Variants in PML observed in about 807,000 individuals in gnomAD.
The protein encoded by PML is PML nuclear body scaffold.
PML carries 28 observed loss-of-function variants against 65.2 expected under a neutral mutation model. The ratio of observed to expected loss-of-function variants is 0.43; its 90% CI spans 0.32 to 0.59. The LOEUF is 0.59. PML is among the 20% of genes least tolerant of loss of function. The pLI is 0.08. For missense variants in PML, 1,021 were observed against 1,203.4 expected (o/e 0.85, Z 2.24); for synonymous variants, 500 against 508.8 (o/e 0.98, Z 0.23).
At chr15:74,012,924 C>T (rs1038582829) in intron 2 of PML, among the ~76,000 whole-genome samples, 6 of 152,078 alleles carry the variant, frequency 3.9e-5, no homozygotes, top group South Asian at 4.2e-4. Context: ...AATAATATCT[C>T]GGCTGGGTAT....
Position 74,043,073 on chromosome 15 carries a change from A to C in PML, c.1795A>C (p.Asn599His). The change falls in exon 8 of 9, where the codon AAC (asparagine) becomes CAC (histidine). Residue 599 changes from asparagine to histidine, a missense_variant. By Grantham distance (68) the Asn-to-His change is moderately conservative (BLOSUM62 1). Transcript: ENST00000268058. The surrounding 1 kb of genome is among the most constrained non-coding windows in gnomAD (Gnocchi z 4.3). ...GPSTLRVLDE[N>H]LADPQAEDRP... ...CAGCACCCTCAGGGTCCTGGACGAG[A>C]ACCTTGCTGACCCCCAAGCAGAAGA... The C allele has an allele frequency of 1.9e-6, 3 of 1,613,210 alleles. No homozygotes were observed. The highest frequency in any genetic ancestry group is 1.7e-6 in the Non-Finnish European group (2 of 1,179,838).
In PML at chr15:73,998,373, G is replaced by T. The variant is rs1196661368; in HGVS notation, c.499G>T (p.Ala167Ser). Residue 167 changes from alanine to serine, a missense_variant, in exon 2 of 9, where the codon GCA becomes TCA. Transcript: ENST00000268058. ...CCTCAAGCACGAGGCCCGGCCCCTAGCAGAGCTGCGCAACCAGTCGGTGCG... is the reference window on the plus strand; with the variant it reads ...CCTCAAGCACGAGGCCCGGCCCCTATCAGAGCTGCGCAACCAGTCGGTGCG... ...WFLKHEARPL[A>S]ELRNQSVREF... 1 of 1,614,162 alleles carries T rather than the reference G, an allele frequency of 6.2e-7. No homozygotes were observed. The highest frequency in any genetic ancestry group is 1.7e-5 in the Admixed American group (1 of 60,034).
chr15:74,016,131 G>A (rs1051270287), intron 2 of PML, among the ~76,000 whole-genome samples: 7 of 152,064 alleles, frequency 4.6e-5, no homozygotes, highest in African/African-American at 7.2e-5. Flanking sequence ...ACAAAAATTA[G>A]CTGAGTGTGG....
intron 2 of PML, among the ~76,000 whole-genome samples, chr15:74,003,305 G>A (rs147258890): frequency 0.05 from 7,533 of 152,044 alleles, 249 homozygotes; most frequent in African/African-American, 0.088. Flanking sequence ...GGTGGCGGGC[G>A]CCTGTAATCC....
In PML at chr15:74,023,191, G is replaced by A. The variant is rs760218638; in HGVS notation, c.966G>A (p.Val322=). ...MASRLGRLDA[V]LQRIRTGSAL... is the part of the protein sequence containing the mutation. ...GTCGGCTGGGCCGCCTGGATGCTGT[G>A]CTGCAGCGCATCCGCACGGGCAGCG... The change falls in exon 3 of 9, where the codon GTG becomes GTA. Residue 322 remains valine, a synonymous_variant. Transcript: ENST00000268058. 6.2e-7 allele frequency: 1 copy of A among 1,608,164 alleles called. No individual in the cohort carries two copies. The highest frequency in any genetic ancestry group is 8.5e-7 in the Non-Finnish European group (1 of 1,177,982).
chr15:74,027,673 T>C (rs1567132892), intron 4 of PML: 1 of 152,256 alleles, frequency 6.6e-6, no homozygotes, highest in Non-Finnish European at 1.5e-5. Flanking sequence ...CTGCACTGTC[T>C]TGTGTGAAGG....
chr15:74,022,757 T>C (rs1382389594), intron 2 of PML, 71 bp from the exon 3 acceptor site: 2 of 1,221,890 alleles, frequency 1.6e-6, no homozygotes, highest in African/African-American at 1.5e-5. Flanking sequence ...GGAAGAGGAA[T>C]TTAATAACGA....
At chr15:74,030,386 T>G (rs2071264787) in intron 4 of PML, among the ~76,000 whole-genome samples, 1 of 152,184 alleles carries the variant, frequency 6.6e-6, no homozygotes, top group South Asian at 2.1e-4. Flanking sequence ...TGGTGGCTCA[T>G]GCCTGTAATC....
rs145461366 is a variant in PML, at chr15:74,035,635, T to A, written c.1710+1105T>A. The stretch of plus-strand genomic sequence containing the variant: ...AGGGGCATCAGCCCACCCCACCGGA[T>A]ACGAGGGGCTGTGCGATCCCGCAGC... On this transcript the variant is annotated intron_variant, in intron 7 of 8. Transcript: ENST00000268058. The surrounding 1 kb of genome is among the most constrained non-coding windows in gnomAD (Gnocchi z 4.1). The A allele has an allele frequency of 2.5e-6, 4 of 1,613,734 alleles. No individual in the cohort carries two copies. Among genetic ancestry groups the A allele is most frequent in the Non-Finnish European group, 2.5e-6 (3 of 1,180,026 alleles).
intron 1 of PML, among the ~76,000 whole-genome samples, chr15:73,997,085 C>A (rs1190613631): frequency 2.0e-5 from 3 of 152,190 alleles, no homozygotes; most frequent in Non-Finnish European, 2.9e-5. Context: ...TTCCAAATAC[C>A]CCCTAGAGGT....
rs1274850208 is a variant in PML at position 73,998,339 on chromosome 15, C to T, written c.465C>T (p.His155=). The T allele has an allele frequency of 1.2e-6, 2 of 1,614,076 alleles. No homozygotes were observed. ...TCTGCGCCAAGTGCTTCGAGGCACA[C>T]CAGTGGTTCCTCAAGCACGAGGCCC... ...QLLCAKCFEA[H]QWFLKHEARP... The change falls in exon 2 of 9, where the codon CAC becomes CAT. Residue 155 remains histidine, a synonymous_variant. Coordinates refer to ENST00000268058, the MANE Select transcript of PML (RefSeq NM_033238.3).
chr15:74,015,082 G>A (rs1018955933), intron 2 of PML, among the ~76,000 whole-genome samples: 22 of 152,284 alleles, frequency 1.4e-4, no homozygotes, highest in African/African-American at 4.8e-4. Context: ...TCCTTTCACC[G>A]CTTTCCTTGC....
At position 74,016,788 on chromosome 15, in the gene PML, G is replaced by T. The variant is rs1186759116; in HGVS notation, c.603-6040G>T. On this transcript the variant is annotated intron_variant, in intron 2 of 8. Transcript: ENST00000268058. Reference sequence around the variant, plus strand: ...ACAGTTTTGAATTTTTTAGGCAGTGGCATCTTTTTTTTTTTTTTTTTTTTT... The same window carrying T: ...ACAGTTTTGAATTTTTTAGGCAGTGTCATCTTTTTTTTTTTTTTTTTTTTT... Among the ~76,000 whole-genome samples the T allele has an allele frequency of 5.0e-4, 39 of 78,682 alleles. 1 individual carries two copies. The highest frequency in any genetic ancestry group is 4.8e-3 in the Admixed American group (39 of 8,098). 51.6% of individuals were successfully genotyped at this position (78,682 alleles called of 152,430 possible). A position where few individuals can be genotyped will look rare whatever the true frequency, so the allele number is the denominator to read the frequency against.
chr15:73,998,181 G>A lies in PML; in HGVS notation c.307G>A (p.Ala103Thr), dbSNP rs570405596. ...APWPLGADTP[A>T]LDNVFFESLQ... ...CTGGCCCCTAGGTGCAGACACACCC[G>A]CCCTGGATAACGTCTTTTTCGAGAG... Residue 103 changes from alanine to threonine, a missense_variant, in exon 2 of 9, where the codon GCC (alanine) becomes ACC (threonine). Physicochemically the swap from Ala to Thr is moderately conservative, Grantham distance 58. Coordinates refer to ENST00000268058, the MANE Select transcript of PML (RefSeq NM_033238.3). 4 of 1,614,186 alleles carry A rather than the reference G, an allele frequency of 2.5e-6. No individual in the cohort carries two copies. The highest frequency in any genetic ancestry group is 1.7e-4 in the Middle Eastern group (1 of 6,054).
Position 74,037,599 on chromosome 15 carries a change from C to T in PML, c.1710+3069C>T, listed in dbSNP as rs1326543635. The stretch of plus-strand genomic sequence containing the variant: ...TGCCCCTTCTTCACCCCACCTCCTG[C>T]GCTTCCCCGCCAGTACCAGGGTGGC... On this transcript the variant is annotated intron_variant, in intron 7 of 8. Coordinates refer to ENST00000268058, the MANE Select transcript of PML (RefSeq NM_033238.3). This position sits in a 1 kb window ranked among gnomAD's most constrained non-coding sequence, Gnocchi z 4.2. The T allele has an allele frequency of 3.0e-6, 3 of 985,392 alleles. No individual in the cohort carries two copies. The highest frequency in any genetic ancestry group is 6.1e-5 in the Admixed American group (1 of 16,286). 61.0% of individuals were successfully genotyped at this position (985,392 alleles called of 1,614,324 possible). A position where few individuals can be genotyped will look rare whatever the true frequency, so the allele number is the denominator to read the frequency against.
At chr15:74,021,958 ATTTC>A (rs199766470) in intron 2 of PML, among the ~76,000 whole-genome samples, 1,532 of 152,224 alleles carry the variant, frequency 0.01, 16 homozygotes, top group Non-Finnish European at 0.014. Flanking sequence ...GACTTGATTT[ATTTC>A]TTTCTTTTTT....
chr15:74,020,314 G>C (rs2070778864), intron 2 of PML, among the ~76,000 whole-genome samples: 2 of 139,426 alleles, frequency 1.4e-5, no homozygotes, highest in South Asian at 4.6e-4. Flanking sequence ...TTTTGAGATG[G>C]AGTCTTGCTC....
In PML at chr15:74,022,794, A is replaced by G. The variant is rs200868351; in HGVS notation, c.603-34A>G. ...CGTTTTAAGAGGAAAAAGTCAGGAG[A>G]GTCCTAACCCAGGCCAACCTTGTGT... On this transcript the variant is annotated intron_variant, in intron 2 of 8. Transcript: ENST00000268058. 1.6e-4 allele frequency: 254 copies of G among 1,559,678 alleles called. 1 individual carries two copies. The highest frequency in any genetic ancestry group is 1.2e-3 in the Middle Eastern group (7 of 5,988).
intron 4 of PML, chr15:74,031,394 C>T (rs1315585117): frequency 3.2e-6 from 1 of 313,314 alleles, no homozygotes; most frequent in African/African-American, 2.2e-5. Context: ...ATGCCTCAGC[C>T]TCCCAAGTAG....
Sources: allele counts gnomAD v4.1 joint callset (sites outside exome capture counted in the v4.1 genomes callset), GRCh38; gene constraint gnomAD v4.1.1; non-coding constraint Gnocchi (gnomAD v3.1); transcripts MANE v1.5; gene names NCBI Gene and HGNC (gene_info 2026-07-23, HGNC 2026-07-21).